The following TMCO4 variants were observed in gnomAD, a reference collection of about 807,000 sequenced individuals.
The protein encoded by TMCO4 is transmembrane and coiled-coil domain-containing protein 4.
A neutral mutation model predicts 64.7 loss-of-function variants in TMCO4; 58 were observed. The ratio of observed to expected loss-of-function variants is 0.90; its 90% CI spans 0.73 to 1.12. The LOEUF is 1.12. Ranked by LOEUF, TMCO4 falls within the 50% of genes most tolerant of loss-of-function variation. The probability of loss-of-function intolerance (pLI) is 0.00; values close to 1 mark genes in which losing one functional copy is unlikely to be tolerated. For missense variants in TMCO4, 780 were observed against 825.9 expected, an observed-to-expected ratio of 0.94 and a Z score of 0.68; for synonymous variants, 325 against 346.1, an observed-to-expected ratio of 0.94 and a Z score of 0.68.
intron 10 of TMCO4, 90 bp downstream of exon 10, chr1:19,745,442 G>A: frequency 1.3e-6 from 2 of 1,582,866 alleles, no homozygotes; most frequent in Non-Finnish European, 1.7e-6. Flanking sequence ...CCCTATACCT[G>A]CTCCCTAGTG....
intron 7 of TMCO4, among the ~76,000 whole-genome samples, chr1:19,749,397 T>C (rs1276392128): frequency 3.9e-5 from 6 of 151,984 alleles, no homozygotes; most frequent in African/African-American, 1.5e-4. Flanking sequence ...AGACAAGGCC[T>C]GGCTCTGTCA....
intron 2 of TMCO4, among the ~76,000 whole-genome samples, chr1:19,795,725 A>G (rs2044275015): frequency 6.6e-6 from 1 of 152,182 alleles, no homozygotes; most frequent in Non-Finnish European, 1.5e-5. Flanking sequence ...CCTGGGTCTT[A>G]GGCCACGGGC....
At chr1:19,723,542 A>G (rs571905992) in intron 13 of TMCO4, among the ~76,000 whole-genome samples, 68 of 152,320 alleles carry the variant, frequency 4.5e-4, no homozygotes, top group African/African-American at 1.6e-3. Context: ...CTGCATGCTC[A>G]GCTCTCTCAG....
At chr1:19,717,369 C>T (rs191122185) in intron 13 of TMCO4, among the ~76,000 whole-genome samples, 7 of 152,234 alleles carry the variant, frequency 4.6e-5, no homozygotes, top group Admixed American at 4.6e-4. Context: ...GTTCCCTCTG[C>T]GCCCTGCACA....
At chr1:19,785,321 C>A (rs1299408491) in intron 3 of TMCO4, among the ~76,000 whole-genome samples, 1 of 152,234 alleles carries the variant, frequency 6.6e-6, no homozygotes, top group Non-Finnish European at 1.5e-5. Context: ...GCACCCTGTT[C>A]TATTTTTATA....
At chr1:19,733,985 A>G (rs1325603041) in intron 13 of TMCO4, among the ~76,000 whole-genome samples, 1 of 152,186 alleles carries the variant, frequency 6.6e-6, no homozygotes, top group Non-Finnish European at 1.5e-5. Context: ...AATACATATG[A>G]TGAGCTTAGA....
At chr1:19,736,238 G>T (rs545282577) in intron 13 of TMCO4, among the ~76,000 whole-genome samples, 2 of 152,150 alleles carry the variant, frequency 1.3e-5, no homozygotes, top group Non-Finnish European at 2.9e-5. Context: ...CGCGTGCAGG[G>T]GAACTGCCCT....
rs116650784 is a variant in TMCO4, at chr1:19,683,344, G to C, written c.1601C>G (p.Ala534Gly). 4.4e-3 allele frequency: 7,125 copies of C among 1,613,948 alleles called. 246 individuals are homozygous for C. In the African/African-American group the frequency reaches 0.078, roughly 18 times the overall value. ...PGWDEKGLLL[A>G]PGCLPSEEPR... ...CTCCTCGGAGGGCAGGCAGCCTGGG[G>C]CCAGCAAGAGCCCCTTCTCGTCCCA... The change falls in exon 16 of 16, where the codon GCC becomes GGC. Residue 534 changes from alanine (A) to glycine (G), a missense_variant. Coordinates refer to ENST00000294543, the MANE Select transcript of TMCO4 (RefSeq NM_181719.7).
chr1:19,729,729 C>T (rs1161766689), intron 13 of TMCO4, among the ~76,000 whole-genome samples: 1 of 151,836 alleles, frequency 6.6e-6, no homozygotes, highest in East Asian at 1.9e-4. Context: ...TGCACCACTG[C>T]ACTCCAGCTA....
In TMCO4 at chr1:19,745,543, G is replaced by A; in HGVS notation, c.866C>T (p.Ser289Phe). The A allele has an allele frequency of 6.2e-7, 1 of 1,614,170 alleles. No homozygotes were observed. Among genetic ancestry groups the A allele is most frequent in the Non-Finnish European group, 8.5e-7 (1 of 1,180,036 alleles). The change falls in exon 10 of 16, where the codon TCT becomes TTT. Residue 289 changes from serine (S) to phenylalanine (F), a missense_variant. By Grantham distance (155) the Ser-to-Phe change is radical. Transcript: ENST00000294543. ...CTCCTGGTCCTCACGGTATTTGCCA[G>A]AAGCGAGCCACCCCGTGACGGCGAT... ...ITIAVTGWLA[S>F]GKYRTFSAPW...
In TMCO4 at chr1:19,682,330, C is replaced by T. The variant is rs749439107; in HGVS notation, c.*710G>A. 2.4e-5 allele frequency: 8 copies of T among 335,802 alleles called. No homozygotes were observed. Among genetic ancestry groups the T allele is most frequent in the Non-Finnish European group, 3.9e-5 (7 of 181,226 alleles). 20.8% of individuals were successfully genotyped at this position (335,802 alleles called of 1,614,324 possible). On this transcript the variant is annotated 3_prime_UTR_variant, in exon 16 of 16. Transcript: ENST00000294543. ...TGTAAAATTCATTCTTGTCCCCAGG[C>T]CTAGTTCACAGCCATACTGAATGCA...
At chr1:19,796,031 T>C (rs1321320799) in intron 2 of TMCO4, among the ~76,000 whole-genome samples, 2 of 152,216 alleles carry the variant, frequency 1.3e-5, no homozygotes, top group Non-Finnish European at 2.9e-5. Flanking sequence ...GTTCTCTCCG[T>C]CTGGGTCCCC....
rs574107460 is a variant in TMCO4 at position 19,697,456 on chromosome 1, C to T, written c.1383-2905G>A. On this transcript the variant is annotated intron_variant, in intron 14 of 15. Coordinates refer to ENST00000294543, the MANE Select transcript of TMCO4 (RefSeq NM_181719.7). Reference sequence around the variant, plus strand: ...TATTTTTTTGCTTTTGTTTTTGAGACATAGTCTCGCTCTGTTGCCCAGGCT... The same window carrying T: ...TATTTTTTTGCTTTTGTTTTTGAGATATAGTCTCGCTCTGTTGCCCAGGCT... 2.0e-5 allele frequency among the ~76,000 whole-genome samples: 3 copies of T among 147,468 alleles called. No homozygotes were observed. In the Admixed American group the frequency reaches 2.0e-4, roughly 10 times the overall value.
At position 19,734,481 on chromosome 1, in the gene TMCO4, T is replaced by C. The variant is rs1275445265; in HGVS notation, c.1264+2891A>G. On this transcript the variant is annotated intron_variant, in intron 13 of 15. Coordinates refer to ENST00000294543, the MANE Select transcript of TMCO4 (RefSeq NM_181719.7). This position sits in a 1 kb window ranked among gnomAD's most constrained non-coding sequence, Gnocchi z 4.4. ...TTGGCAGGATCCACTCAGTTACTCA[T>C]TCACTCCACAGTTTAAAGACCTCAA... 2.0e-5 allele frequency among the ~76,000 whole-genome samples: 3 copies of C among 152,124 alleles called. No homozygotes were observed. The highest frequency in any genetic ancestry group is 4.8e-5 in the African/African-American group (2 of 41,420).
chr1:19,792,788 TC>T (rs1359495381), intron 2 of TMCO4, among the ~76,000 whole-genome samples: 12 of 147,166 alleles, frequency 8.2e-5, no homozygotes, highest in African/African-American at 3.1e-4. Context: ...TTTTTTTTTT[TC>T]AGACAAAGTC....
chr1:19,760,952 G>A (rs543315804), intron 6 of TMCO4, among the ~76,000 whole-genome samples: 5 of 152,284 alleles, frequency 3.3e-5, no homozygotes, highest in East Asian at 1.9e-4. Context: ...ATCCCCTTTC[G>A]GCAGAAACAT....
intron 6 of TMCO4, among the ~76,000 whole-genome samples, chr1:19,756,840 A>T (rs2042276778): frequency 6.6e-6 from 1 of 152,202 alleles, no homozygotes; most frequent in African/African-American, 2.4e-5. Flanking sequence ...ATTGAAAAAA[A>T]GGAATAAAAA....
chr1:19,757,183 A>C, intron 6 of TMCO4, among the ~76,000 whole-genome samples: 1 of 150,284 alleles, frequency 6.7e-6, no homozygotes, highest in East Asian at 2.0e-4. Flanking sequence ...TGTAATTTCC[A>C]GCAACTTGGG....
chr1:19,708,865 A>G (rs149298161), intron 13 of TMCO4, among the ~76,000 whole-genome samples: 44 of 152,250 alleles, frequency 2.9e-4, no homozygotes, highest in African/African-American at 9.6e-4. Flanking sequence ...AAAAAGAAGG[A>G]TTTTCTCCCT....
Sources: gnomAD v4.1 joint callset for allele counts (sites outside exome capture counted in the v4.1 genomes callset) on GRCh38, gnomAD v4.1.1 for gene constraint, Gnocchi (gnomAD v3.1) non-coding constraint, MANE v1.5 for transcripts, NCBI Gene and HGNC (gene_info 2026-07-23, HGNC 2026-07-21) for gene names.